Variants in IGFBP7 observed in about 807,000 individuals in gnomAD.
IGFBP7 encodes insulin-like growth factor-binding protein 7.
Under a neutral mutation model 29.4 loss-of-function variants are expected in IGFBP7, and 31 were observed. The ratio of observed to expected loss-of-function variants is 1.05; its 90% confidence interval spans 0.79 to 1.42. The LOEUF is 1.42. IGFBP7 is among the 40% of genes most tolerant of loss of function. The pLI is 0.00. For synonymous variants in IGFBP7, 172 were observed against 174.9 expected, an observed-to-expected ratio of 0.98 and a Z score of 0.13; for missense variants, 393 against 395.5, an observed-to-expected ratio of 0.99 and a Z score of 0.05.
intron 1 of IGFBP7, among the ~76,000 whole-genome samples, chr4:57,053,184 T>C (rs765928666): frequency 1.3e-5 from 2 of 152,148 alleles, no homozygotes; most frequent in Admixed American, 6.5e-5. Flanking sequence ...ACCTGGCTAA[T>C]TTTTGTAATT....
intron 1 of IGFBP7, among the ~76,000 whole-genome samples, chr4:57,074,056 TCTCTCTCTC>T (rs1307601305): frequency 7.8e-5 from 5 of 64,344 alleles, no homozygotes; most frequent in Admixed American, 6.8e-4. Context: ...TCTCTCTCTC[TCTCTCTCTC>T]TCTTTTTTCT....
intron 1 of IGFBP7, among the ~76,000 whole-genome samples, chr4:57,095,546 G>A (rs187142705): frequency 9.7e-4 from 148 of 152,258 alleles, no homozygotes; most frequent in Non-Finnish European, 1.9e-3. Flanking sequence ...TCTCACAACC[G>A]CCTTGTGAGG....
At chr4:57,051,187 A>G (rs1724495635) in intron 1 of IGFBP7, among the ~76,000 whole-genome samples, 1 of 152,200 alleles carries the variant, frequency 6.6e-6, no homozygotes, top group African/African-American at 2.4e-5. Flanking sequence ...AGGGGATGAA[A>G]CAAGTGGAAG....
At chr4:57,040,978 T>C (rs1445869001) in intron 1 of IGFBP7, 45 bp from the exon 2 acceptor site, 1 of 1,203,858 alleles carries the variant, frequency 8.3e-7, no homozygotes, top group East Asian at 2.3e-5. Context: ...TAAACAGTCC[T>C]TCACATGAGT....
intron 1 of IGFBP7, chr4:57,072,691 A>C: frequency 2.5e-6 from 1 of 394,952 alleles, no homozygotes; most frequent in Non-Finnish European, 4.9e-6. Context: ...TTGTGGGCAA[A>C]AGGCTACAGC....
chr4:57,058,452 C>T (rs13109351), intron 1 of IGFBP7, among the ~76,000 whole-genome samples: 3,578 of 151,570 alleles, frequency 0.024, 57 homozygotes, highest in Non-Finnish European at 0.034. Context: ...TGCACGCCTA[C>T]AACCATCTGA....
chr4:57,110,285 G>A lies in IGFBP7; in HGVS notation c.67C>T (p.Leu23Phe), dbSNP rs535663877. The A allele has an allele frequency of 1.4e-6, 2 of 1,428,432 alleles. No homozygotes were observed. Among genetic ancestry groups the A allele is most frequent in the African/African-American group, 1.5e-5 (1 of 67,662 alleles). The allele number at this position is 1,428,432 out of a possible 1,614,324, so 88.5% of individuals were successfully genotyped here. Reference sequence around the variant, plus strand: ...GTGTCCGAAGAGGAGGAAGAGGAGAGGGGCAGGAGCAGGAGCAGCAGCCCA... The same window carrying A: ...GTGTCCGAAGAGGAGGAAGAGGAGAAGGGCAGGAGCAGGAGCAGCAGCCCA... Reference protein sequence around the residue: ...AAGLLLLLLPLSSSSSSDTCG... With the variant: ...AAGLLLLLLPFSSSSSSDTCG... Residue 23 changes from leucine (L) to phenylalanine (F), a missense_variant, in exon 1 of 5, where the codon CTC becomes TTC. Physicochemically the swap from Leu to Phe is conservative, Grantham distance 22. Coordinates refer to ENST00000295666, the MANE Select transcript of IGFBP7 (RefSeq NM_001553.3).
chr4:57,063,106 A>AT (rs1237035552), intron 1 of IGFBP7, among the ~76,000 whole-genome samples: 7 of 151,844 alleles, frequency 4.6e-5, no homozygotes, highest in Admixed American at 6.6e-5. Flanking sequence ...TGCACATGCC[A>AT]TTTTTTTCTA....
At chr4:57,067,245 C>T (rs1312097697) in intron 1 of IGFBP7, among the ~76,000 whole-genome samples, 1 of 152,160 alleles carries the variant, frequency 6.6e-6, no homozygotes, top group Non-Finnish European at 1.5e-5. Context: ...AGAGCTGGAA[C>T]TTATATCCTC....
At chr4:57,046,876 C>T (rs1453493704) in intron 1 of IGFBP7, among the ~76,000 whole-genome samples, 1 of 152,202 alleles carries the variant, frequency 6.6e-6, no homozygotes, top group Non-Finnish European at 1.5e-5. Context: ...AACCAGGCTA[C>T]CCCACTTTCC....
chr4:57,038,479 G>A (rs1724137412), intron 2 of IGFBP7, among the ~76,000 whole-genome samples: 1 of 152,150 alleles, frequency 6.6e-6, no homozygotes, highest in Admixed American at 6.5e-5. Context: ...GCCTAGGCTG[G>A]TTTCAAATGG....
intron 2 of IGFBP7, among the ~76,000 whole-genome samples, chr4:57,040,616 G>T (rs753102351): frequency 6.6e-6 from 1 of 152,238 alleles, no homozygotes; most frequent in Non-Finnish European, 1.5e-5. Flanking sequence ...CAGTTTCTCA[G>T]ATTCTAGGAT....
rs549740670 is a variant in IGFBP7, at chr4:57,070,140, C to T, written c.476-29207G>A. Among the ~76,000 whole-genome samples the T allele has an allele frequency of 2.6e-5, 4 of 152,280 alleles. No individual in the cohort carries two copies. The East Asian group carries it at 7.7e-4, about 29-fold the overall frequency. ...GGTCCTCAGTGGGAACTATTCAGCA[C>T]CAGCCCTCTGTAGGTCCTGGGAATC... On this transcript the variant is annotated intron_variant, in intron 1 of 4. Transcript: ENST00000295666.
intron 1 of IGFBP7, among the ~76,000 whole-genome samples, chr4:57,052,252 G>C (rs1472715236): frequency 6.6e-6 from 1 of 152,226 alleles, no homozygotes; most frequent in Non-Finnish European, 1.5e-5. Flanking sequence ...GTAGGAAAGA[G>C]AGGCATGATT....
intron 1 of IGFBP7, among the ~76,000 whole-genome samples, chr4:57,066,179 C>A (rs1724918065): frequency 6.6e-6 from 1 of 152,184 alleles, no homozygotes; most frequent in Non-Finnish European, 1.5e-5. Context: ...TCTGGTGACG[C>A]ACTTGAATAA....
intron 1 of IGFBP7, among the ~76,000 whole-genome samples, chr4:57,091,096 T>C (rs1725626275): frequency 2.0e-5 from 3 of 152,192 alleles, no homozygotes; most frequent in African/African-American, 4.8e-5. Context: ...GGAATTTAAG[T>C]TGCTTTAATT....
At chr4:57,060,080 G>A (rs1290368441) in intron 1 of IGFBP7, among the ~76,000 whole-genome samples, 1 of 152,188 alleles carries the variant, frequency 6.6e-6, no homozygotes, top group East Asian at 1.9e-4. Flanking sequence ...TGTCCCATAG[G>A]GATTTACAAT....
chr4:57,033,833 C>A (rs1011338336), intron 2 of IGFBP7, among the ~76,000 whole-genome samples: 3 of 152,036 alleles, frequency 2.0e-5, no homozygotes, highest in Non-Finnish European at 4.4e-5. Flanking sequence ...ATAAAAAACA[C>A]CTATCAAAGG....
intron 1 of IGFBP7, among the ~76,000 whole-genome samples, chr4:57,088,709 A>G (rs1725558669): frequency 2.0e-5 from 3 of 152,084 alleles, no homozygotes; most frequent in African/African-American, 7.2e-5. Context: ...TCCCCACTTT[A>G]AAGATGACAA....
Sources: gnomAD v4.1 joint callset for allele counts (sites outside exome capture counted in the v4.1 genomes callset) on GRCh38, gnomAD v4.1.1 for gene constraint, MANE v1.5 for transcripts, NCBI Gene and HGNC (gene_info 2026-07-23, HGNC 2026-07-21) for gene names.